The following DEPDC1B variants were observed in gnomAD, a reference collection of about 807,000 sequenced individuals.
The protein encoded by DEPDC1B is DEP domain-containing protein 1B.
In DEPDC1B, 51 loss-of-function variants were observed where a neutral mutation model predicts 66.5. The observed-to-expected ratio is 0.77, with a 90% confidence interval of 0.61 to 0.97. DEPDC1B has a LOEUF of 0.97. DEPDC1B is among the 50% of genes least tolerant of loss of function. The pLI is 0.00. For synonymous variants in DEPDC1B, 226 were observed against 223.6 expected, an observed-to-expected ratio of 1.01 and a Z score of -0.10; for missense variants, 552 against 637.1, an observed-to-expected ratio of 0.87 and a Z score of 1.44.
In DEPDC1B at chr5:60,699,443, GA is replaced by G. The variant is rs528758437; in HGVS notation, c.48+602del. Reference sequence around the variant, plus strand: ...CCTCAATACCAAAGCTTTTCTCCCAGAAAAAAAAAAAAAAAAAAACAGGAAC... The same window carrying G: ...CCTCAATACCAAAGCTTTTCTCCCAGAAAAAAAAAAAAAAAAAACAGGAAC... On this transcript the variant is annotated intron_variant, in intron 1 of 10. Coordinates refer to ENST00000265036, the MANE Select transcript of DEPDC1B (RefSeq NM_018369.3). 2.8e-3 allele frequency among the ~76,000 whole-genome samples: 250 copies of G among 89,364 alleles called. 6 individuals are homozygous for G. The highest frequency in any genetic ancestry group is 5.3e-3 in the Admixed American group (42 of 7,884). The allele number at this position is 89,364 out of a possible 152,430, so 58.6% of individuals were successfully genotyped here. A position where few individuals can be genotyped will look rare whatever the true frequency, so the allele number is the denominator to read the frequency against.
chr5:60,681,125 C>A (rs1754285832), intron 2 of DEPDC1B, among the ~76,000 whole-genome samples: 1 of 152,218 alleles, frequency 6.6e-6, no homozygotes, highest in African/African-American at 2.4e-5. Flanking sequence ...AAGAACCCTT[C>A]AATGTCCATT....
chr5:60,627,383 C>CT (rs959120254), intron 7 of DEPDC1B, among the ~76,000 whole-genome samples: 4 of 151,654 alleles, frequency 2.6e-5, no homozygotes, highest in East Asian at 1.9e-4. Flanking sequence ...AAAAGCTTCT[C>CT]TTTTTTTTAA....
At chr5:60,642,455 AC>A (rs1187396572) in intron 6 of DEPDC1B, among the ~76,000 whole-genome samples, 3 of 152,274 alleles carry the variant, frequency 2.0e-5, no homozygotes, top group East Asian at 1.9e-4. Flanking sequence ...CACAGGGACC[AC>A]CCTGGTCCAG....
intron 10 of DEPDC1B, 59 bp downstream of exon 10, chr5:60,599,016 A>T: frequency 7.0e-7 from 1 of 1,435,624 alleles, no homozygotes; most frequent in Non-Finnish European, 9.3e-7. Flanking sequence ...TAAAATAAAA[A>T]AAAAAACATA....
intron 2 of DEPDC1B, among the ~76,000 whole-genome samples, chr5:60,680,476 A>G (rs1754272911): frequency 6.6e-6 from 1 of 152,232 alleles, no homozygotes; most frequent in South Asian, 2.1e-4. Context: ...CATTTCTTAA[A>G]TCTAGAAATC....
intron 7 of DEPDC1B, among the ~76,000 whole-genome samples, chr5:60,626,729 C>T (rs1451356500): frequency 6.6e-6 from 1 of 151,964 alleles, no homozygotes; most frequent in Admixed American, 6.6e-5. Flanking sequence ...TAATGTTATT[C>T]TACAATACAG....
At chr5:60,614,828 TA>T (rs779956070) in intron 7 of DEPDC1B, among the ~76,000 whole-genome samples, 4 of 151,852 alleles carry the variant, frequency 2.6e-5, no homozygotes, top group Admixed American at 6.6e-5. Context: ...CTGTCTCTAC[TA>T]AAAATACAAA....
intron 2 of DEPDC1B, among the ~76,000 whole-genome samples, chr5:60,662,298 G>A (rs1753734259): frequency 6.6e-6 from 1 of 152,100 alleles, no homozygotes; most frequent in African/African-American, 2.4e-5. Flanking sequence ...TGAGGCGGGA[G>A]AATGGCGTGA....
intron 2 of DEPDC1B, among the ~76,000 whole-genome samples, chr5:60,665,655 C>A (rs1753820307): frequency 6.6e-6 from 1 of 152,140 alleles, no homozygotes; most frequent in Non-Finnish European, 1.5e-5. Flanking sequence ...TGGTAGTCGG[C>A]CAACCTCCCC....
intron 2 of DEPDC1B, 86 bp downstream of exon 2, chr5:60,686,876 T>C: frequency 6.6e-7 from 1 of 1,512,872 alleles, no homozygotes; most frequent in Non-Finnish European, 9.0e-7. Flanking sequence ...GGTAAATTCT[T>C]ACACATCAGG....
intron 2 of DEPDC1B, among the ~76,000 whole-genome samples, chr5:60,654,463 G>C (rs1753531003): frequency 6.8e-6 from 1 of 147,562 alleles, no homozygotes; most frequent in African/African-American, 2.6e-5. Flanking sequence ...CTACTGATTT[G>C]TGTACATTAA....
chr5:60,696,715 T>C (rs1754662084), intron 1 of DEPDC1B, among the ~76,000 whole-genome samples: 3 of 152,242 alleles, frequency 2.0e-5, no homozygotes, highest in Admixed American at 2.0e-4. Flanking sequence ...TTTGCTCTAC[T>C]TATTAATTTC....
At chr5:60,697,161 T>C (rs996434487) in intron 1 of DEPDC1B, among the ~76,000 whole-genome samples, 1 of 152,218 alleles carries the variant, frequency 6.6e-6, no homozygotes, top group Non-Finnish European at 1.5e-5. Flanking sequence ...TCAGTGAAAA[T>C]GTATAAATGG....
chr5:60,659,649 A>G (rs542466694), intron 2 of DEPDC1B, among the ~76,000 whole-genome samples: 2 of 152,292 alleles, frequency 1.3e-5, no homozygotes, highest in South Asian at 4.1e-4. Flanking sequence ...CCAGCCGCCC[A>G]TGTATGCGCC....
chr5:60,605,571 G>A (rs555459786), intron 8 of DEPDC1B, 119 bp downstream of exon 8: 1 of 1,089,834 alleles, frequency 9.2e-7, no homozygotes, highest in South Asian at 1.9e-5. Context: ...GGTGGACACT[G>A]ACTGTGGCTC....
At chr5:60,604,215 A>ATTTTTTTTTTTTTTTTTTTTTTTTTT (rs1323826916) in intron 8 of DEPDC1B, among the ~76,000 whole-genome samples, 2 of 60,094 alleles carry the variant, frequency 3.3e-5, no homozygotes, top group Non-Finnish European at 8.2e-5. Context: ...GAAATTAACT[A>ATTTTTTTTTTTTTTTTTTTTTTTTTT]TTCTTTTTTT....
At chr5:60,664,629 A>G (rs1052631800) in intron 2 of DEPDC1B, among the ~76,000 whole-genome samples, 2 of 152,128 alleles carry the variant, frequency 1.3e-5, no homozygotes, top group East Asian at 3.9e-4. Flanking sequence ...CCCGACCTCA[A>G]CTTGTGTACT....
chr5:60,604,543 G>A (rs1330852711), intron 8 of DEPDC1B, among the ~76,000 whole-genome samples: 1 of 151,934 alleles, frequency 6.6e-6, no homozygotes, highest in African/African-American at 2.4e-5. Flanking sequence ...TCTTAATACT[G>A]TTCTTTGGAC....
At chr5:60,626,544 T>C (rs1224360010) in intron 7 of DEPDC1B, among the ~76,000 whole-genome samples, 1 of 152,180 alleles carries the variant, frequency 6.6e-6, no homozygotes, top group East Asian at 1.9e-4. Flanking sequence ...ACCAGTAATG[T>C]ACAAGAGTTC....
Sources: gnomAD v4.1 joint callset for allele counts (sites outside exome capture counted in the v4.1 genomes callset) on GRCh38, gnomAD v4.1.1 for gene constraint, MANE v1.5 for transcripts, NCBI Gene and HGNC (gene_info 2026-07-23, HGNC 2026-07-21) for gene names.